The following CNTN3 variants were observed in gnomAD, a reference collection of about 807,000 sequenced individuals.
CNTN3 encodes contactin 3.
Under a neutral mutation model 119.1 loss-of-function variants are expected in CNTN3, and 60 were observed. That is an observed-to-expected ratio of 0.50 (90% CI 0.41 to 0.62). The LOEUF (loss-of-function observed/expected upper bound fraction) is 0.62. Among genes scored for constraint, CNTN3 ranks in the 20% least tolerant of loss-of-function variants. The pLI is 0.00. For missense variants in CNTN3, 1,101 were observed against 1,242.4 expected (o/e 0.89, Z 1.71); for synonymous variants, 450 against 438.7 (o/e 1.03, Z -0.32).
chr3:74,502,793 C>T (rs1703188381), intron 2 of CNTN3, among the ~76,000 whole-genome samples: 1 of 152,140 alleles, frequency 6.6e-6, no homozygotes, highest in African/African-American at 2.4e-5. Context: ...AGTCATTATA[C>T]ACCCTTCATT....
At chr3:74,446,042 C>T (rs1702043296) in intron 4 of CNTN3, among the ~76,000 whole-genome samples, 1 of 152,146 alleles carries the variant, frequency 6.6e-6, no homozygotes, top group African/African-American at 2.4e-5. Context: ...ACTAGTCGAA[C>T]CCATAAAGCT....
chr3:74,531,249 T>C (rs1703689035), intron 1 of CNTN3, among the ~76,000 whole-genome samples: 1 of 151,950 alleles, frequency 6.6e-6, no homozygotes, highest in Non-Finnish European at 1.5e-5. Context: ...ATCCCTTACC[T>C]AAGCATTATC....
At chr3:74,296,156 G>A (rs1479515595) in intron 18 of CNTN3, among the ~76,000 whole-genome samples, 2 of 152,168 alleles carry the variant, frequency 1.3e-5, no homozygotes, top group Non-Finnish European at 2.9e-5. Flanking sequence ...AGATTTCACA[G>A]AAGTCTTTTG....
intron 1 of CNTN3, among the ~76,000 whole-genome samples, chr3:74,574,854 G>A (rs927360345): frequency 2.0e-5 from 3 of 151,902 alleles, no homozygotes; most frequent in Admixed American, 6.6e-5. Flanking sequence ...AGAAAGTGAA[G>A]ATGGGATGTT....
chr3:74,511,273 C>T (rs1703358766), intron 2 of CNTN3, among the ~76,000 whole-genome samples: 1 of 152,118 alleles, frequency 6.6e-6, no homozygotes, highest in Non-Finnish European at 1.5e-5. Context: ...TATTCATAGA[C>T]TACAGCCCTA....
intron 4 of CNTN3, among the ~76,000 whole-genome samples, chr3:74,478,698 A>T (rs766371810): frequency 6.6e-6 from 1 of 152,158 alleles, no homozygotes; most frequent in Non-Finnish European, 1.5e-5. Context: ...AGTTTCCATT[A>T]GGTTTTTAGT....
At chr3:74,344,453 T>C (rs1703634634) in intron 11 of CNTN3, among the ~76,000 whole-genome samples, 1 of 123,766 alleles carries the variant, frequency 8.1e-6, no homozygotes, top group Non-Finnish European at 1.6e-5. Context: ...TGAGACGGAG[T>C]CTCACTCTGT....
At chr3:74,349,275 C>T (rs1173900373) in intron 11 of CNTN3, among the ~76,000 whole-genome samples, 1 of 152,048 alleles carries the variant, frequency 6.6e-6, no homozygotes, top group African/African-American at 2.4e-5. Flanking sequence ...TGGTCTTCTA[C>T]ACAAACAGAC....
chr3:74,380,937 C>A (rs1171590753), intron 5 of CNTN3, among the ~76,000 whole-genome samples: 1 of 151,840 alleles, frequency 6.6e-6, no homozygotes, highest in Non-Finnish European at 1.5e-5. Context: ...ATAAAATGTC[C>A]ATTTTCACTG....
In CNTN3 at chr3:74,499,751, T is replaced by C; in HGVS notation, c.90A>G (p.Lys30=). 1.2e-6 allele frequency: 2 copies of C among 1,611,316 alleles called. No individual in the cohort carries two copies. The highest frequency in any genetic ancestry group is 1.7e-6 in the Non-Finnish European group (2 of 1,178,388). ...CAGGGAAAATGCTGTTGCTGGGTTC[T>C]TTGATAAATACAGGGCCTTGTAAGA... The part of the protein sequence containing the change: ...ELLLQGPVFI[K]EPSNSIFPVG... Residue 30 remains lysine, a synonymous_variant, in exon 3 of 23, where the codon AAA becomes AAG. Coordinates refer to ENST00000263665, the MANE Select transcript of CNTN3 (RefSeq NM_020872.3).
At chr3:74,596,393 G>A (rs947987972) in intron 1 of CNTN3, among the ~76,000 whole-genome samples, 4 of 151,926 alleles carry the variant, frequency 2.6e-5, no homozygotes, top group African/African-American at 9.7e-5. Context: ...ATCCTAAGCT[G>A]GAAGAACAAA....
At chr3:74,426,329 G>A (rs1236158681) in intron 4 of CNTN3, among the ~76,000 whole-genome samples, 3 of 152,244 alleles carry the variant, frequency 2.0e-5, no homozygotes, top group Middle Eastern at 3.4e-3. Flanking sequence ...GCTCTTAAGG[G>A]CTGATATAAA....
chr3:74,368,355 T>C (rs558584549), intron 8 of CNTN3, among the ~76,000 whole-genome samples: 2 of 152,188 alleles, frequency 1.3e-5, no homozygotes, highest in South Asian at 4.1e-4. Context: ...CTAAAATAAA[T>C]AGAATATAAT....
At chr3:74,302,635 A>G in intron 14 of CNTN3, 55 bp downstream of exon 14, 1 of 1,040,732 alleles carries the variant, frequency 9.6e-7, no homozygotes. Flanking sequence ...TTCCTCCAGT[A>G]AGGAATGCTG....
chr3:74,561,982 A>G (rs1043190998), intron 1 of CNTN3, among the ~76,000 whole-genome samples: 16 of 152,298 alleles, frequency 1.1e-4, no homozygotes, highest in African/African-American at 3.8e-4. Context: ...CATTCAAAAC[A>G]CAGGTTCACA....
At chr3:74,488,395 G>A (rs1164374832) in intron 3 of CNTN3, among the ~76,000 whole-genome samples, 2 of 152,308 alleles carry the variant, frequency 1.3e-5, no homozygotes, top group East Asian at 3.9e-4. Flanking sequence ...TTACAGGAGT[G>A]AGCCACTGCA....
intron 1 of CNTN3, among the ~76,000 whole-genome samples, chr3:74,579,735 T>C (rs1015503065): frequency 2.6e-5 from 4 of 151,844 alleles, no homozygotes; most frequent in Non-Finnish European, 4.4e-5. Flanking sequence ...AAACACAACA[T>C]ATAAAAATTG....
chr3:74,511,995 T>C (rs916297293), intron 2 of CNTN3, among the ~76,000 whole-genome samples: 3 of 152,178 alleles, frequency 2.0e-5, no homozygotes, highest in Admixed American at 2.0e-4. Flanking sequence ...CATTTAGCTT[T>C]AGGCAAGTCA....
intron 4 of CNTN3, among the ~76,000 whole-genome samples, chr3:74,425,893 A>T (rs112321359): frequency 5.7e-4 from 87 of 152,284 alleles, no homozygotes; most frequent in African/African-American, 2.0e-3. Context: ...AATTCAAAGG[A>T]TAACAGTAAT....
Sources: gnomAD v4.1 joint callset for allele counts (sites outside exome capture counted in the v4.1 genomes callset) on GRCh38, gnomAD v4.1.1 for gene constraint, MANE v1.5 for transcripts, NCBI Gene and HGNC (gene_info 2026-07-23, HGNC 2026-07-21) for gene names.